The following FCN1 variants were observed in gnomAD, a reference collection of about 807,000 sequenced individuals.
FCN1 encodes ficolin-1.
FCN1 carries 42 observed loss-of-function variants against 35.6 expected under a neutral mutation model. The ratio of observed to expected loss-of-function variants is 1.18; its 90% confidence interval spans 0.92 to 1.53. The LOEUF is 1.53. FCN1 is among the 40% of genes most tolerant of loss of function. The probability of loss-of-function intolerance (pLI) is 0.00; values close to 1 mark genes in which losing one functional copy is unlikely to be tolerated. For synonymous variants in FCN1, 179 were observed against 169.8 expected (o/e 1.05, Z -0.42); for missense variants, 439 against 428.4 (o/e 1.02, Z -0.22).
chr9:134,914,894 T>C (rs1384861314), intron 2 of FCN1, 85 bp from the exon 3 acceptor site: 1 of 1,043,160 alleles, frequency 9.6e-7, no homozygotes, highest in Non-Finnish European at 1.5e-6. Context: ...GGTTAAGTCC[T>C]GACCCTCCCC....
Position 134,911,132 on chromosome 9 carries a change from C to T in FCN1, c.733+1G>A, listed in dbSNP as rs201876097. 203 of 1,614,098 alleles carry T rather than the reference C, an allele frequency of 1.3e-4. 1 individual carries two copies. In the East Asian group the frequency reaches 3.8e-3, roughly 30 times the overall value. ...GCCACCAGCCCCAAGCAGACACTCA[C>T]CCGCACTGCCCCCGACAAAGGCTCC... On this transcript the variant is annotated splice_donor_variant, in intron 8 of 8. Transcript: ENST00000371806. LOFTEE classifies it high-confidence loss of function.
Position 134,912,950 on chromosome 9 carries a change from A to C in FCN1, c.468+66T>G, listed in dbSNP as rs190455873. 2.0e-4 allele frequency: 317 copies of C among 1,577,464 alleles called. No homozygotes were observed. The African/African-American group carries it at 3.7e-3, about 18-fold the overall frequency. ...TAGAGAATTCCAGAGTGTGTTCTAC[A>C]ACCAGGTGTGCAGCCTGGCCTCCGG... On this transcript the variant is annotated intron_variant, in intron 6 of 8. Coordinates refer to ENST00000371806, the MANE Select transcript of FCN1 (RefSeq NM_002003.5).
At chr9:134,915,064 G>A (rs1181908313) in intron 2 of FCN1, among the ~76,000 whole-genome samples, 1 of 152,092 alleles carries the variant, frequency 6.6e-6, no homozygotes, top group Admixed American at 6.5e-5. Flanking sequence ...TTTGTGCCTT[G>A]GGAGCAACCT....
At chr9:134,912,927 G>C in intron 6 of FCN1, 89 bp downstream of exon 6, 11 of 1,536,902 alleles carry the variant, frequency 7.2e-6, no homozygotes, top group Non-Finnish European at 8.8e-6. Flanking sequence ...CAGGGGAATA[G>C]AGAATTCCAG....
chr9:134,908,614 G>A lies in FCN1; in HGVS notation c.*1184C>T, dbSNP rs1032226832. 8 of 154,376 alleles carry A rather than the reference G, an allele frequency of 5.2e-5. No individual in the cohort carries two copies. Among genetic ancestry groups the A allele is most frequent in the Admixed American group, 1.9e-4 (3 of 15,422 alleles). 9.6% of individuals were successfully genotyped at this position (154,376 alleles called of 1,614,324 possible). On this transcript the variant is annotated 3_prime_UTR_variant, in exon 9 of 9. Coordinates refer to ENST00000371806, the MANE Select transcript of FCN1 (RefSeq NM_002003.5). ...GGGACAACGGATGAAGGGTCAGAGA[G>A]ATGTGGTGCTGCTGGCTTTGGGGTT...
chr9:134,908,803 G>T lies in FCN1; in HGVS notation c.*995C>A. The T allele has an allele frequency of 2.2e-5, 4 of 185,754 alleles. No homozygotes were observed. The highest frequency in any genetic ancestry group is 1.1e-4 in the South Asian group (1 of 9,346). 11.5% of individuals were successfully genotyped at this position (185,754 alleles called of 1,614,324 possible). ...CAGATCTACTGAGCCAGGAGGTGGC[G>T]AGTTCTTGTTGTTTCAAGCCACTCC... is the stretch of plus-strand genomic sequence containing the variant. On this transcript the variant is annotated 3_prime_UTR_variant, in exon 9 of 9. Coordinates refer to ENST00000371806, the MANE Select transcript of FCN1 (RefSeq NM_002003.5).
Position 134,914,440 on chromosome 9 carries a change from A to G in FCN1, c.272-20T>C. The G allele has an allele frequency of 6.2e-7, 1 of 1,613,234 alleles. No homozygotes were observed. The highest frequency in any genetic ancestry group is 8.5e-7 in the Non-Finnish European group (1 of 1,179,520). ...GGTCTCCTGGAGGAAGAGGCAGGATAATGAGCTTTTGACCCCAGATGTGTG... is the reference window on the plus strand; with the variant it reads ...GGTCTCCTGGAGGAAGAGGCAGGATGATGAGCTTTTGACCCCAGATGTGTG... On this transcript the variant is annotated intron_variant, in intron 3 of 8. Transcript: ENST00000371806.
chr9:134,903,337 C>T lies in FCN1; in HGVS notation c.*6461G>A, dbSNP rs992919671. On this transcript the variant is annotated 3_prime_UTR_variant, in exon 9 of 9. Coordinates refer to ENST00000371806, the MANE Select transcript of FCN1 (RefSeq NM_002003.5). The stretch of plus-strand genomic sequence containing the variant: ...TCTTTTCAAGTTCAAATTGAACTTT[C>T]ACCAACATAGACCATATTCTGGGCC... 6.6e-6 allele frequency among the ~76,000 whole-genome samples: 1 copy of T among 152,106 alleles called. No homozygotes were observed. The highest frequency in any genetic ancestry group is 2.4e-5 in the African/African-American group (1 of 41,416).
intron 5 of FCN1, 23 bp downstream of exon 5, chr9:134,913,558 G>T: frequency 3.1e-6 from 5 of 1,596,596 alleles, no homozygotes; most frequent in Non-Finnish European, 2.6e-6. Context: ...CTTGGGTACC[G>T]AGGTCAGGGT....
intron 7 of FCN1, among the ~76,000 whole-genome samples, chr9:134,911,656 A>T (rs1349575457): frequency 6.6e-6 from 1 of 151,888 alleles, no homozygotes; most frequent in Non-Finnish European, 1.5e-5. Flanking sequence ...CCGGCTGGGG[A>T]TGGATATATT....
rs374117481 is a variant in FCN1, at chr9:134,916,301, G to A, written c.217+47C>T. On this transcript the variant is annotated intron_variant, in intron 2 of 8. Transcript: ENST00000371806. ...GCATCCAGTTTCATAAAGAGCAAGA[G>A]CCAGTGCCCCTGCCATGCCTGGCCT... 262 of 1,387,982 alleles carry A rather than the reference G, an allele frequency of 1.9e-4. No individual in the cohort carries two copies. In the Middle Eastern group the frequency reaches 2.0e-3, roughly 10 times the overall value. The allele number at this position is 1,387,982 out of a possible 1,614,324, so 86.0% of individuals were successfully genotyped here. A position where few individuals can be genotyped will look rare whatever the true frequency, so the allele number is the denominator to read the frequency against.
chr9:134,912,394 G>T (rs1307375019), intron 7 of FCN1, 92 bp downstream of exon 7: 35 of 1,346,374 alleles, frequency 2.6e-5, no homozygotes, highest in Non-Finnish European at 3.3e-5. Flanking sequence ...TCCCCTGTGG[G>T]CCAAGAGGTG....
chr9:134,913,269 G>A, intron 5 of FCN1, 126 bp from the exon 6 acceptor site: 2 of 1,309,820 alleles, frequency 1.5e-6, no homozygotes, highest in Non-Finnish European at 2.1e-6. Flanking sequence ...AGGACTCCGA[G>A]GCCTGGACAG....
chr9:134,913,980 T>C (rs1329593716), intron 4 of FCN1, among the ~76,000 whole-genome samples: 2 of 152,234 alleles, frequency 1.3e-5, no homozygotes, highest in African/African-American at 2.4e-5. Flanking sequence ...CCTCTGTTTC[T>C]TGGGACTCAG....
chr9:134,913,316 A>G (rs1366807633), intron 5 of FCN1, among the ~76,000 whole-genome samples, 173 bp from the exon 6 acceptor site: 6 of 152,134 alleles, frequency 3.9e-5, no homozygotes, highest in Non-Finnish European at 7.4e-5. Context: ...TGTGATGCCC[A>G]CACCCAGTCT....
rs192806210 is a variant in FCN1 at position 134,914,794 on chromosome 9, G to A, written c.233C>T (p.Pro78Leu). The A allele has an allele frequency of 3.7e-6, 6 of 1,612,334 alleles. No homozygotes were observed. The African/African-American group carries it at 8.0e-5, about 22-fold the overall frequency. Residue 78 changes from proline to leucine, a missense_variant, in exon 3 of 9, where the codon CCT becomes CTT. By Grantham distance (98) the Pro-to-Leu change is moderately conservative. Transcript: ENST00000371806. ...TGGTCCTGCCTTTCCAGGGGCTCCA[G>A]GGAGACCGCGTTCTCCTGAAAATTC... is the stretch of plus-strand genomic sequence containing the variant. ...VIGERGERGL[P>L]GAPGKAGPVG... is the part of the protein sequence containing the mutation.
Position 134,915,300 on chromosome 9 carries a change from T to C in FCN1, c.218-491A>G, listed in dbSNP as rs371228278. On this transcript the variant is annotated intron_variant, in intron 2 of 8. Transcript: ENST00000371806. ...CTGGGGTGTCACACAGCGCTCCACG[T>C]GGTTCTGGCCAGAAAGGTGACCCTC... 1.5e-3 allele frequency among the ~76,000 whole-genome samples: 230 copies of C among 152,214 alleles called. 2 individuals carry two copies. The South Asian group carries it at 0.016, about 11-fold the overall frequency.
chr9:134,913,581 C>A lies in FCN1; in HGVS notation c.340G>T (p.Gly114Cys), dbSNP rs149699377. Residue 114 changes from glycine (G) to cysteine (C), a missense_variant and splice_region_variant, in exon 5 of 9, where the codon GGC becomes TGC. By Grantham distance (159) the Gly-to-Cys change is radical (BLOSUM62 -3). Transcript: ENST00000371806. ...CCGAGGTCAGGGTGTGATCAGTCAC[C>A]TGTCGCACACGACTGAGACTGCCCA... ...DAGQSQSCAT[G>C]PRNCKDLLDR... 1 of 1,606,436 alleles carries A rather than the reference C, an allele frequency of 6.2e-7. No individual in the cohort carries two copies. The highest frequency in any genetic ancestry group is 8.5e-7 in the Non-Finnish European group (1 of 1,175,690).
At position 134,905,804 on chromosome 9, in the gene FCN1, T is replaced by C. The variant is rs1277585686; in HGVS notation, c.*3994A>G. 2.1e-5 allele frequency: 2 copies of C among 93,704 alleles called. 1 individual carries two copies. Among genetic ancestry groups the C allele is most frequent in the African/African-American group, 1.9e-4 (2 of 10,740 alleles). The allele number at this position is 93,704 out of a possible 1,614,324, so 5.8% of individuals were successfully genotyped here. Reference sequence around the variant, plus strand: ...TGGCCGCTGCTGCTGCTTCTTCTTCTTCTTCCTCTTCTTCTTCTTCTTCCT... The same window carrying C: ...TGGCCGCTGCTGCTGCTTCTTCTTCCTCTTCCTCTTCTTCTTCTTCTTCCT... On this transcript the variant is annotated 3_prime_UTR_variant, in exon 9 of 9. Transcript: ENST00000371806.
Sources: gnomAD v4.1 joint callset for allele counts (sites outside exome capture counted in the v4.1 genomes callset) on GRCh38, gnomAD v4.1.1 for gene constraint, MANE v1.5 for transcripts, NCBI Gene and HGNC (gene_info 2026-07-23, HGNC 2026-07-21) for gene names.